DYM: variants seen among roughly 807,000 people sequenced by gnomAD.
DYM encodes the protein dyggve-Melchior-Clausen syndrome protein.
A neutral mutation model predicts 93.1 loss-of-function variants in DYM; 78 were observed. The observed-to-expected ratio is 0.84, with a 90% CI of 0.70 to 1.01. DYM has a LOEUF of 1.01. Ranked by LOEUF, DYM falls within the 50% of genes least tolerant of loss-of-function variation. DYM has a pLI of 0.00. For missense variants in DYM, 789 were observed against 845.0 expected, an observed-to-expected ratio of 0.93 and a Z score of 0.82; for synonymous variants, 321 against 319.7, an observed-to-expected ratio of 1.00 and a Z score of -0.04.
chr18:49,119,035 A>T lies in DYM; in HGVS notation c.1729-109T>A, dbSNP rs1599879745. ...AAATTATAACAGCATTGGAAAGATC[A>T]TGAAGAGAAGAAGCTCATCAAGATT... On this transcript the variant is annotated intron_variant, in intron 15 of 17. Coordinates refer to ENST00000675505, the MANE Select transcript of DYM (RefSeq NM_001353214.3). 15 of 903,332 alleles carry T rather than the reference A, an allele frequency of 1.7e-5. No individual in the cohort carries two copies. In the East Asian group the frequency reaches 3.9e-4, roughly 24 times the overall value. The allele number at this position is 903,332 out of a possible 1,614,324, so 56.0% of individuals were successfully genotyped here. A position where few individuals can be genotyped will look rare whatever the true frequency, so the allele number is the denominator to read the frequency against.
chr18:49,277,132 G>A (rs931383056), intron 10 of DYM, among the ~76,000 whole-genome samples: 2 of 152,118 alleles, frequency 1.3e-5, no homozygotes, highest in African/African-American at 4.8e-5. Context: ...TTGGTTTAAG[G>A]TGTCTATGAG....
intron 13 of DYM, among the ~76,000 whole-genome samples, chr18:49,229,996 A>G (rs2093648478): frequency 6.6e-6 from 1 of 152,210 alleles, no homozygotes; most frequent in African/African-American, 2.4e-5. Flanking sequence ...ATACCATATG[A>G]TAAGATTTAT....
intron 8 of DYM, among the ~76,000 whole-genome samples, chr18:49,330,931 C>T (rs528205966): frequency 6.6e-6 from 1 of 152,322 alleles, no homozygotes; most frequent in South Asian, 2.1e-4. Flanking sequence ...AAGTCTGGTT[C>T]ACTGATTTCT....
At chr18:49,116,547 T>C (rs1280421958) in intron 16 of DYM, 1 of 152,214 alleles carries the variant, frequency 6.6e-6, no homozygotes. Context: ...CTGAATGTTA[T>C]AATCCTTAAG....
chr18:49,113,263 T>C lies in DYM; in HGVS notation c.1911+5481A>G, dbSNP rs532015134. 2.6e-5 allele frequency among the ~76,000 whole-genome samples: 4 copies of C among 152,338 alleles called. No homozygotes were observed. The East Asian group carries it at 7.7e-4, about 29-fold the overall frequency. Reference sequence around the variant, plus strand: ...CCTGTACCTTACTATACAATGGTTATAGTTCATTGCATCTGTCCTCTACTC... The same window carrying C: ...CCTGTACCTTACTATACAATGGTTACAGTTCATTGCATCTGTCCTCTACTC... On this transcript the variant is annotated intron_variant, in intron 16 of 17. Transcript: ENST00000675505.
chr18:49,335,590 G>A (rs545354648), intron 6 of DYM, among the ~76,000 whole-genome samples: 4 of 152,052 alleles, frequency 2.6e-5, no homozygotes, highest in Non-Finnish European at 4.4e-5. Flanking sequence ...TTTGATTTGG[G>A]TGCTCAGAAC....
chr18:49,232,603 CTTTTTTTTTTT>C (rs777802663), intron 13 of DYM, among the ~76,000 whole-genome samples: 30,015 of 95,658 alleles, frequency 0.31, 3,801 homozygotes, highest in Middle Eastern at 0.48. Context: ...TGCCCGGCCT[CTTTTTTTTTTT>C]TTTTTTTTTT....
In DYM at chr18:49,150,738, G is replaced by A. The variant is rs1042154269; in HGVS notation, c.1728+12947C>T. 2.6e-5 allele frequency among the ~76,000 whole-genome samples: 4 copies of A among 152,158 alleles called. No homozygotes were observed. The East Asian group carries it at 7.7e-4, about 29-fold the overall frequency. ...CTAGCACTGCCTATTAAAGGACAAA[G>A]GATATGTTTCTGAGCAACAATGTTC... is the stretch of plus-strand genomic sequence containing the variant. On this transcript the variant is annotated intron_variant, in intron 15 of 17. Coordinates refer to ENST00000675505, the MANE Select transcript of DYM (RefSeq NM_001353214.3).
intron 1 of DYM, among the ~76,000 whole-genome samples, chr18:49,450,981 G>A (rs151246773): frequency 1.3e-5 from 2 of 152,268 alleles, no homozygotes; most frequent in South Asian, 4.1e-4. Context: ...GAGAAAGAAC[G>A]TACAGGACTC....
At chr18:49,236,183 A>T (rs111762988) in intron 13 of DYM, among the ~76,000 whole-genome samples, 1,636 of 152,290 alleles carry the variant, frequency 0.011, 27 homozygotes, top group African/African-American at 0.038. Context: ...ACAAATTTTT[A>T]AAAAATATGT....
intron 1 of DYM, among the ~76,000 whole-genome samples, chr18:49,451,928 T>C (rs1186272844): frequency 1.3e-5 from 2 of 152,198 alleles, no homozygotes; most frequent in African/African-American, 4.8e-5. Context: ...CAAAAAGAGA[T>C]GGGTAACACA....
chr18:49,357,398 G>A (rs769546781), intron 6 of DYM, among the ~76,000 whole-genome samples: 12 of 152,030 alleles, frequency 7.9e-5, no homozygotes, highest in Non-Finnish European at 1.5e-4. Flanking sequence ...TAAACTAAAC[G>A]GCCCCAGAAT....
chr18:49,290,322 A>T (rs973933096), intron 8 of DYM, among the ~76,000 whole-genome samples: 20 of 152,098 alleles, frequency 1.3e-4, no homozygotes, highest in Non-Finnish European at 2.8e-4. Flanking sequence ...GTAACAATTT[A>T]AAAAATCACT....
intron 3 of DYM, among the ~76,000 whole-genome samples, chr18:49,387,279 C>CTT (rs112147953): frequency 0.091 from 13,822 of 151,520 alleles, 840 homozygotes; most frequent in East Asian, 0.31. Flanking sequence ...TCAGTGATCT[C>CTT]GTTTGTTTGT....
intron 5 of DYM, among the ~76,000 whole-genome samples, chr18:49,366,624 T>C (rs1447428122): frequency 6.6e-6 from 1 of 152,192 alleles, no homozygotes; most frequent in Non-Finnish European, 1.5e-5. Context: ...AGACCCTATC[T>C]CTTAAAACAA....
intron 1 of DYM, among the ~76,000 whole-genome samples, chr18:49,437,993 G>C (rs560679940): frequency 3.9e-5 from 6 of 152,012 alleles, no homozygotes; most frequent in Non-Finnish European, 8.8e-5. Flanking sequence ...CCAGGAGTAC[G>C]AGGCCAGCCT....
In DYM at chr18:49,148,087, G is replaced by C. The variant is rs190377530; in HGVS notation, c.1728+15598C>G. 2.6e-5 allele frequency among the ~76,000 whole-genome samples: 4 copies of C among 151,358 alleles called. No individual in the cohort carries two copies. In the East Asian group the frequency reaches 7.7e-4, roughly 29 times the overall value. On this transcript the variant is annotated intron_variant, in intron 15 of 17. Transcript: ENST00000675505. ...AAACCATCATTCTCAGCAAACTATC[G>C]CAAGGACAAAAAACCAAACACCGCA... is the stretch of plus-strand genomic sequence containing the variant.
At chr18:49,183,803 T>C (rs1295412900) in intron 14 of DYM, among the ~76,000 whole-genome samples, 1 of 152,116 alleles carries the variant, frequency 6.6e-6, no homozygotes, top group Non-Finnish European at 1.5e-5. Flanking sequence ...TCGCTGTATT[T>C]GGAATAAGGA....
At chr18:49,281,948 A>G (rs2094991312) in intron 10 of DYM, 49 bp downstream of exon 10, 2 of 1,579,778 alleles carry the variant, frequency 1.3e-6, no homozygotes, top group East Asian at 4.5e-5. Flanking sequence ...AACTTAAAGT[A>G]TAATTAAAAA....
Sources: allele counts gnomAD v4.1 joint callset (sites outside exome capture counted in the v4.1 genomes callset), GRCh38; gene constraint gnomAD v4.1.1; transcripts MANE v1.5; gene names NCBI Gene and HGNC (gene_info 2026-07-23, HGNC 2026-07-21).